Variants in ST13 observed in about 807,000 individuals in gnomAD.
ST13 encodes hsc70-interacting protein.
In ST13, 23 loss-of-function variants were observed where a neutral mutation model predicts 56.7. That is an observed-to-expected ratio of 0.41 (90% CI 0.29 to 0.57). ST13 has a LOEUF of 0.57. Ranked by LOEUF, ST13 falls within the 20% of genes least tolerant of loss-of-function variation. ST13 has a pLI of 0.36. For missense variants in ST13, 369 were observed against 459.9 expected, an observed-to-expected ratio of 0.80 and a Z score of 1.81; for synonymous variants, 132 against 142.4, an observed-to-expected ratio of 0.93 and a Z score of 0.52.
At chr22:40,841,312 G>C (rs966816576) in intron 4 of ST13, among the ~76,000 whole-genome samples, 1 of 151,978 alleles carries the variant, frequency 6.6e-6, no homozygotes, top group African/African-American at 2.4e-5. Context: ...CAAGGCTGTA[G>C]TGAGTCTTGA....
intron 2 of ST13, among the ~76,000 whole-genome samples, 195 bp from the exon 3 acceptor site, chr22:40,848,564 C>T (rs1410445724): frequency 6.6e-6 from 1 of 152,024 alleles, no homozygotes; most frequent in African/African-American, 2.4e-5. Flanking sequence ...CTGGCCAACA[C>T]GGTGAAACCA....
intron 4 of ST13, among the ~76,000 whole-genome samples, 159 bp downstream of exon 4, chr22:40,844,680 T>G (rs1022528512): frequency 6.6e-6 from 1 of 152,250 alleles, no homozygotes; most frequent in African/African-American, 2.4e-5. Context: ...TTTTCATTAG[T>G]ATTTTAAGTA....
chr22:40,830,788 T>G, intron 9 of ST13, 52 bp downstream of exon 9: 6 of 1,183,078 alleles, frequency 5.1e-6, no homozygotes, highest in Non-Finnish European at 7.4e-6. Context: ...TCCTAATGCC[T>G]CTACATAATT....
intron 10 of ST13, among the ~76,000 whole-genome samples, chr22:40,828,538 G>A (rs1489824290): frequency 2.0e-5 from 3 of 151,798 alleles, no homozygotes; most frequent in South Asian, 2.1e-4. Flanking sequence ...GCGTGAACCC[G>A]GCAGGCGGAG....
rs781617094 is a variant in ST13, at chr22:40,840,638, C to A, written c.370G>T (p.Ala124Ser). ...ANDKKVAAIEALNDGELQKAI... is the reference protein window; with the variant it reads ...ANDKKVAAIESLNDGELQKAI... Reference sequence around the variant, plus strand: ...AAAGATTACTCACCATCATTTAGGGCTTCAATAGCAGCCACTTTTTTATCA... The same window carrying A: ...AAAGATTACTCACCATCATTTAGGGATTCAATAGCAGCCACTTTTTTATCA... Residue 124 changes from alanine to serine, a missense_variant, in exon 5 of 12, where the codon GCC becomes TCC. This residue lies in a region of ST13 where 169 missense variants were observed against 175.6 expected (regional missense o/e 0.96). Coordinates refer to ENST00000216218, the MANE Select transcript of ST13 (RefSeq NM_003932.5). The A allele has an allele frequency of 2.2e-5, 36 of 1,610,100 alleles. 1 individual carries two copies. The East Asian group carries it at 2.9e-4, about 13-fold the overall frequency.
intron 8 of ST13, among the ~76,000 whole-genome samples, chr22:40,831,928 T>C (rs1209823291): frequency 6.6e-6 from 1 of 152,190 alleles, no homozygotes; most frequent in Admixed American, 6.5e-5. Context: ...CTTGGCTCAC[T>C]GCAACCTTCC....
chr22:40,836,286 T>A (rs1156623623), intron 5 of ST13, among the ~76,000 whole-genome samples: 1 of 151,980 alleles, frequency 6.6e-6, no homozygotes, highest in South Asian at 2.1e-4. Flanking sequence ...CCATCTCTAC[T>A]AAAAAATACA....
intron 1 of ST13, among the ~76,000 whole-genome samples, chr22:40,853,738 T>C (rs1212731428): frequency 6.6e-6 from 1 of 152,224 alleles, no homozygotes; most frequent in African/African-American, 2.4e-5. Flanking sequence ...TTCATTTCCT[T>C]TACAACATTT....
At chr22:40,838,121 T>C (rs1773814408) in intron 5 of ST13, among the ~76,000 whole-genome samples, 1 of 152,158 alleles carries the variant, frequency 6.6e-6, no homozygotes, top group Admixed American at 6.5e-5. Context: ...ATACAATCTG[T>C]CATAACTACT....
chr22:40,829,419 G>A (rs2057743672), intron 10 of ST13, among the ~76,000 whole-genome samples: 1 of 152,024 alleles, frequency 6.6e-6, no homozygotes, highest in Non-Finnish European at 1.5e-5. Flanking sequence ...GATCACATTT[G>A]AAAGAAAAAT....
At chr22:40,845,201 C>T (rs1027297591) in intron 3 of ST13, among the ~76,000 whole-genome samples, 13 of 152,134 alleles carry the variant, frequency 8.5e-5, no homozygotes, top group Admixed American at 6.6e-5. Flanking sequence ...TATATAAATA[C>T]ACCATTGTCA....
intron 3 of ST13, 104 bp downstream of exon 3, chr22:40,848,190 C>T (rs1038273332): frequency 1.4e-6 from 1 of 734,758 alleles, no homozygotes; most frequent in Non-Finnish European, 2.4e-6. Context: ...TCATATGTGC[C>T]ATTATATTTC....
intron 4 of ST13, among the ~76,000 whole-genome samples, chr22:40,841,486 A>T (rs2057804248): frequency 6.6e-6 from 1 of 152,232 alleles, no homozygotes; most frequent in African/African-American, 2.4e-5. Context: ...CTATAATCTC[A>T]GCACTTTGGG....
At chr22:40,852,139 T>C (rs1041890969) in intron 1 of ST13, among the ~76,000 whole-genome samples, 3 of 152,240 alleles carry the variant, frequency 2.0e-5, no homozygotes, top group African/African-American at 7.2e-5. Flanking sequence ...TGAATTTAAA[T>C]GGGCATCAGT....
Position 40,825,510 on chromosome 22 carries a change from C to A in ST13, c.*1028G>T, listed in dbSNP as rs1194536927. 1 of 152,170 alleles carries A rather than the reference C, an allele frequency of 6.6e-6. No homozygotes were observed. The highest frequency in any genetic ancestry group is 1.5e-5 in the Non-Finnish European group (1 of 68,026). 9.4% of individuals were successfully genotyped at this position (152,170 alleles called of 1,614,324 possible). The stretch of plus-strand genomic sequence containing the variant: ...GAAGTCTAACACTTAAATAAGCATT[C>A]TCTTGGCCAAGTAAGAAACTACAGT... On this transcript the variant is annotated 3_prime_UTR_variant, in exon 12 of 12. Transcript: ENST00000216218.
At chr22:40,842,624 ATAAAG>A (rs1450194173) in intron 4 of ST13, among the ~76,000 whole-genome samples, 4 of 152,236 alleles carry the variant, frequency 2.6e-5, no homozygotes, top group African/African-American at 9.6e-5. Flanking sequence ...GAATTAGAGC[ATAAAG>A]TAAACAAGAA....
At chr22:40,846,539 G>C (rs2057832054) in intron 3 of ST13, among the ~76,000 whole-genome samples, 1 of 152,088 alleles carries the variant, frequency 6.6e-6, no homozygotes. Flanking sequence ...ATACAAAAAA[G>C]AAAACACTTT....
intron 3 of ST13, among the ~76,000 whole-genome samples, chr22:40,845,625 AAAG>A (rs1193797329): frequency 6.6e-6 from 1 of 152,164 alleles, no homozygotes; most frequent in Non-Finnish European, 1.5e-5. Context: ...CCAAAACAGT[AAAG>A]AATGAAAAGC....
intron 7 of ST13, among the ~76,000 whole-genome samples, chr22:40,833,562 C>A (rs1393527569): frequency 1.4e-5 from 1 of 71,512 alleles, no homozygotes; most frequent in Non-Finnish European, 2.5e-5. Flanking sequence ...AAGACTCCAT[C>A]TCAAAAAAAA....
Sources: gnomAD v4.1 joint callset for allele counts (sites outside exome capture counted in the v4.1 genomes callset) on GRCh38, gnomAD v4.1.1 for gene constraint, gnomAD v4.1.1 regional missense constraint, MANE v1.5 for transcripts, NCBI Gene and HGNC (gene_info 2026-07-23, HGNC 2026-07-21) for gene names.